Variants in LRP1B observed in about 807,000 individuals in gnomAD.
LRP1B encodes LDL receptor related protein 1B.
A neutral mutation model predicts 556.6 loss-of-function variants in LRP1B; 217 were observed. That is an observed-to-expected ratio of 0.39 (90% CI 0.35 to 0.44). LRP1B has a LOEUF of 0.44. LRP1B is among the 20% of genes least tolerant of loss of function. The pLI, the probability that LRP1B is intolerant of heterozygous loss-of-function variation, is 1.00. For missense variants in LRP1B, 5,053 were observed against 5,620.8 expected (o/e 0.90, Z 3.23); for synonymous variants, 2,047 against 1,865.8 (o/e 1.10, Z -2.50).
At chr2:141,843,924 C>T (rs1191923492) in intron 1 of LRP1B, among the ~76,000 whole-genome samples, 2 of 152,112 alleles carry the variant, frequency 1.3e-5, no homozygotes, top group African/African-American at 4.8e-5. Context: ...GGAACCATAA[C>T]ATCAGCCGGC....
intron 66 of LRP1B, among the ~76,000 whole-genome samples, chr2:140,414,072 A>G (rs1481247729): frequency 6.6e-6 from 1 of 152,110 alleles, no homozygotes; most frequent in Non-Finnish European, 1.5e-5. Flanking sequence ...ACATGGCACC[A>G]TGTCCAGTTA....
intron 1 of LRP1B, among the ~76,000 whole-genome samples, chr2:141,841,835 C>T (rs1260331663): frequency 6.6e-6 from 1 of 152,096 alleles, no homozygotes; most frequent in Non-Finnish European, 1.5e-5. Context: ...ATAATAACTA[C>T]ACTGTGTTAA....
At chr2:141,641,211 A>T (rs1357122438) in intron 2 of LRP1B, among the ~76,000 whole-genome samples, 1 of 119,702 alleles carries the variant, frequency 8.4e-6, no homozygotes. Context: ...AGTTGGTTAC[A>T]GTGTGGTGCT....
At chr2:140,562,590 C>T (rs939418192) in intron 43 of LRP1B, among the ~76,000 whole-genome samples, 57 of 151,660 alleles carry the variant, frequency 3.8e-4, no homozygotes, top group Non-Finnish European at 1.3e-4. Flanking sequence ...AGATTTTTTT[C>T]TTTTTTAAAT....
chr2:140,558,227 T>C (rs924794462), intron 43 of LRP1B, among the ~76,000 whole-genome samples: 1 of 152,118 alleles, frequency 6.6e-6, no homozygotes, highest in African/African-American at 2.4e-5. Context: ...TGGTTAAACA[T>C]AGTGTCTGTA....
intron 2 of LRP1B, among the ~76,000 whole-genome samples, chr2:141,726,320 A>G (rs944937801): frequency 6.7e-6 from 1 of 150,070 alleles, no homozygotes. Context: ...AGGTAATTTT[A>G]AAAAAAAATT....
At chr2:141,979,415 T>G (rs1315621308) in intron 1 of LRP1B, among the ~76,000 whole-genome samples, 18 of 152,136 alleles carry the variant, frequency 1.2e-4, no homozygotes, top group Non-Finnish European at 7.4e-5. Flanking sequence ...TCTATCTACA[T>G]GTATTTGTCA....
chr2:140,573,688 A>G (rs928561474), intron 43 of LRP1B, among the ~76,000 whole-genome samples: 2 of 152,024 alleles, frequency 1.3e-5, no homozygotes, highest in Non-Finnish European at 2.9e-5. Flanking sequence ...AGAAAACAAA[A>G]TTGACAGAAT....
rs947056658 is a variant in LRP1B at position 141,798,080 on chromosome 2, G to A, written c.205+12199C>T. Among the ~76,000 whole-genome samples, 5 of 151,998 alleles carry A rather than the reference G, an allele frequency of 3.3e-5. No individual in the cohort carries two copies. The South Asian group carries it at 1.0e-3, about 32-fold the overall frequency. The stretch of plus-strand genomic sequence containing the variant: ...TTATACAATATTATACCTATGTAAG[G>A]GTTATATAAGAATATGTATTGTTCC... On this transcript the variant is annotated intron_variant, in intron 2 of 90. Transcript: ENST00000389484.
intron 1 of LRP1B, among the ~76,000 whole-genome samples, chr2:141,910,669 T>C (rs925380102): frequency 1.3e-5 from 2 of 152,082 alleles, no homozygotes; most frequent in African/African-American, 4.8e-5. Flanking sequence ...ATACAGTGCA[T>C]AGAGCTGTGT....
intron 1 of LRP1B, among the ~76,000 whole-genome samples, chr2:141,884,770 T>C (rs1311085677): frequency 2.0e-5 from 3 of 152,196 alleles, no homozygotes; most frequent in Admixed American, 1.3e-4. Flanking sequence ...ACAGAAGAGA[T>C]TATTGCCCCT....
chr2:141,130,172 A>C (rs1701314250), intron 7 of LRP1B, among the ~76,000 whole-genome samples: 3 of 150,520 alleles, frequency 2.0e-5, no homozygotes, highest in Admixed American at 2.0e-4. Flanking sequence ...CAGGGAAAAG[A>C]AAAATTACAA....
chr2:142,080,853 A>G (rs1405054384), intron 1 of LRP1B, among the ~76,000 whole-genome samples: 1 of 152,142 alleles, frequency 6.6e-6, no homozygotes, highest in East Asian at 1.9e-4. Flanking sequence ...AACCTAATGT[A>G]TATTATACTT....
In LRP1B at chr2:141,935,210, G is replaced by C. The variant is rs61076686; in HGVS notation, c.83-124809C>G. Among the ~76,000 whole-genome samples the C allele has an allele frequency of 3.8e-3, 574 of 152,178 alleles. 3 individuals carry two copies. The highest frequency in any genetic ancestry group is 0.013 in the African/African-American group (537 of 41,528). On this transcript the variant is annotated intron_variant, in intron 1 of 90. Transcript: ENST00000389484. ...GGAAAATAAAGCATTTTAAACCAAA[G>C]AAAACTAAACATCAGCATACCCTCA...
chr2:140,868,275 A>AC lies in LRP1B; in HGVS notation c.4170-13_4170-12insG. ...TCCAGAAAAGAATTCTAAAAAAAAA[A>AC]AAAAAAAAAGAAATAATACTATTGT... On this transcript the variant is annotated splice_polypyrimidine_tract_variant and intron_variant, in intron 25 of 90. Coordinates refer to ENST00000389484, the MANE Select transcript of LRP1B (RefSeq NM_018557.3). 1 of 1,558,074 alleles carries AC rather than the reference A, an allele frequency of 6.4e-7. No homozygotes were observed. The highest frequency in any genetic ancestry group is 2.3e-5 in the East Asian group (1 of 43,730).
At chr2:140,754,167 T>C (rs898896452) in intron 35 of LRP1B, among the ~76,000 whole-genome samples, 4 of 152,102 alleles carry the variant, frequency 2.6e-5, no homozygotes, top group African/African-American at 9.7e-5. Flanking sequence ...CAAGCCTAAG[T>C]CTACTATCAA....
intron 1 of LRP1B, among the ~76,000 whole-genome samples, chr2:141,989,984 T>C (rs567915748): frequency 9.9e-5 from 15 of 152,218 alleles, no homozygotes; most frequent in African/African-American, 3.6e-4. Flanking sequence ...CATTTTATCT[T>C]CTTTAGCTTT....
At chr2:140,800,929 T>C (rs1690485648) in intron 32 of LRP1B, among the ~76,000 whole-genome samples, 1 of 152,186 alleles carries the variant, frequency 6.6e-6, no homozygotes, top group East Asian at 1.9e-4. Flanking sequence ...TAATATGTGT[T>C]TCAATAAATA....
chr2:140,373,079 A>G lies in LRP1B; in HGVS notation c.10697T>C (p.Ile3566Thr). The G allele has an allele frequency of 6.2e-7, 1 of 1,613,432 alleles. No individual in the cohort carries two copies. Among genetic ancestry groups the G allele is most frequent in the Non-Finnish European group, 8.5e-7 (1 of 1,179,576 alleles). Residue 3566 changes from isoleucine (I) to threonine (T), a missense_variant, in exon 69 of 91, where the codon ATA becomes ACA. Transcript: ENST00000389484. ...GCCATCACATTTCCATTTTGCTGGT[A>G]TACACTGACCATTGGAACACCGGAA... ...DQFRCSNGQC[I>T]PAKWKCDGHE...
Sources: gnomAD v4.1 joint callset for allele counts (sites outside exome capture counted in the v4.1 genomes callset) on GRCh38, gnomAD v4.1.1 for gene constraint, MANE v1.5 for transcripts, NCBI Gene and HGNC (gene_info 2026-07-23, HGNC 2026-07-21) for gene names.